Variants in SNX24 observed in about 807,000 individuals in gnomAD.
SNX24 encodes sorting nexin-24.
SNX24 carries 22 observed loss-of-function variants against 28.7 expected under a neutral mutation model. That is an observed-to-expected ratio of 0.77 (90% CI 0.55 to 1.10). SNX24 has a LOEUF of 1.10. Ranked by LOEUF, SNX24 falls within the 50% of genes least tolerant of loss-of-function variation. SNX24 has a pLI of 0.00. For missense variants in SNX24, 221 were observed against 201.1 expected (o/e 1.10, Z -0.60); for synonymous variants, 69 against 71.5 (o/e 0.96, Z 0.18).
At chr5:122,886,415 T>C (rs1756716391) in intron 1 of SNX24, among the ~76,000 whole-genome samples, 1 of 152,216 alleles carries the variant, frequency 6.6e-6, no homozygotes, top group Non-Finnish European at 1.5e-5. Context: ...TCTTTATCTG[T>C]CTTTTCCATG....
chr5:122,923,358 TAAA>T (rs901608169), intron 1 of SNX24, among the ~76,000 whole-genome samples: 1 of 144,540 alleles, frequency 6.9e-6, no homozygotes, highest in Non-Finnish European at 1.5e-5. Flanking sequence ...AAATTAAAAT[TAAA>T]AAAAAAAAGA....
chr5:123,001,534 C>A, intron 5 of SNX24, 97 bp downstream of exon 5: 1 of 909,366 alleles, frequency 1.1e-6, no homozygotes, highest in Non-Finnish European at 1.7e-6. Context: ...TCTTAAGAAC[C>A]TTTGTTTGGA....
At chr5:122,957,717 T>G (rs1435539920) in intron 3 of SNX24, among the ~76,000 whole-genome samples, 1 of 152,192 alleles carries the variant, frequency 6.6e-6, no homozygotes, top group Admixed American at 6.5e-5. Context: ...TGTTTTGTAG[T>G]TTTCATTGTA....
At chr5:123,022,410 ACT>A (rs948974891) in intron 5 of SNX24, 1 of 151,246 alleles carries the variant, frequency 6.6e-6, no homozygotes, top group Non-Finnish European at 1.5e-5. Flanking sequence ...GAGATCAAGC[ACT>A]CTCTATTATA....
intron 3 of SNX24, among the ~76,000 whole-genome samples, chr5:122,991,631 T>C (rs552481441): frequency 1.3e-5 from 2 of 152,242 alleles, no homozygotes; most frequent in South Asian, 4.2e-4. Flanking sequence ...AGCTAATTTT[T>C]TGTATTTTTA....
In SNX24 at chr5:123,015,596, C is replaced by G. The variant is rs181321550; in HGVS notation, n.383+13592C>G. ...AGCATCACCCAAGAACTCTGTACAA[C>G]TTTTCAGGCCCTACCCCAGACTTGC... On this transcript the variant is annotated intron_variant and non_coding_transcript_variant, in intron 5 of 5. Transcript: ENST00000502387. 3.6e-3 allele frequency among the ~76,000 whole-genome samples: 554 copies of G among 152,250 alleles called. 4 individuals carry two copies. Among genetic ancestry groups the G allele is most frequent in the African/African-American group, 0.012 (513 of 41,550 alleles).
At chr5:122,998,761 A>C (rs1762139338) in intron 3 of SNX24, among the ~76,000 whole-genome samples, 1 of 152,210 alleles carries the variant, frequency 6.6e-6, no homozygotes, top group South Asian at 2.1e-4. Flanking sequence ...CAGTATGTGA[A>C]CCATGGCTAA....
At chr5:122,932,841 A>G (rs1330521960) in intron 1 of SNX24, among the ~76,000 whole-genome samples, 1 of 135,818 alleles carries the variant, frequency 7.4e-6, no homozygotes, top group Non-Finnish European at 1.5e-5. Flanking sequence ...CCGGGGCGAC[A>G]GAGCAAGACT....
intron 3 of SNX24, among the ~76,000 whole-genome samples, chr5:122,952,488 G>A (rs758831680): frequency 1.6e-4 from 25 of 152,090 alleles, no homozygotes; most frequent in Non-Finnish European, 2.9e-4. Flanking sequence ...CCACTCATAC[G>A]GTTTGCACTC....
intron 1 of SNX24, among the ~76,000 whole-genome samples, chr5:122,934,936 G>T (rs775998612): frequency 2.0e-5 from 3 of 151,788 alleles, no homozygotes; most frequent in Admixed American, 6.6e-5. Context: ...CTGGTCAGTA[G>T]AAGAGATGAC....
chr5:122,993,326 T>A (rs1761932684), intron 3 of SNX24, among the ~76,000 whole-genome samples: 1 of 138,078 alleles, frequency 7.2e-6, no homozygotes, highest in Admixed American at 7.7e-5. Context: ...TGAGACAGAG[T>A]CTTGCTCTGT....
At chr5:122,946,684 T>G (rs1020949232) in intron 3 of SNX24, among the ~76,000 whole-genome samples, 7 of 152,194 alleles carry the variant, frequency 4.6e-5, no homozygotes, top group African/African-American at 1.4e-4. Flanking sequence ...GGGACACTCT[T>G]TTCTGCAGCT....
chr5:122,859,625 C>T (rs966085848), intron 1 of SNX24, among the ~76,000 whole-genome samples: 7 of 151,850 alleles, frequency 4.6e-5, no homozygotes, highest in East Asian at 1.9e-4. Flanking sequence ...TAATAATTGT[C>T]GATGAAAAGA....
At position 123,008,458 on chromosome 5, in the gene SNX24, C is replaced by T. The variant is rs1762487689; in HGVS notation, c.*709C>T. The T allele has an allele frequency of 5.3e-6, 1 of 189,804 alleles. No individual in the cohort carries two copies. The allele number at this position is 189,804 out of a possible 1,614,324, so 11.8% of individuals were successfully genotyped here. On this transcript the variant is annotated 3_prime_UTR_variant, in exon 7 of 7. Coordinates refer to ENST00000261369, the MANE Select transcript of SNX24 (RefSeq NM_014035.4). ...GTGCCATGTTGGAAACCTGTACATC[C>T]ACAACAAGTAGCTTTTCCTCCTATG...
chr5:123,026,088 G>C (rs1400498391), intron 5 of SNX24: 1 of 834,768 alleles, frequency 1.2e-6, no homozygotes, highest in African/African-American at 1.7e-5. Context: ...GGATGGGGAA[G>C]ACATGTTCAA....
chr5:122,979,400 C>G lies in SNX24; in HGVS notation c.250-20512C>G, dbSNP rs368022219. 1.1e-4 allele frequency among the ~76,000 whole-genome samples: 16 copies of G among 152,262 alleles called. 2 individuals carry two copies. The highest frequency in any genetic ancestry group is 3.9e-4 in the East Asian group (2 of 5,184). On this transcript the variant is annotated intron_variant, in intron 3 of 6. Transcript: ENST00000261369. ...CATAGTTAAGGAGCAGCCTGCAACC[C>G]GGCATGCCCACTGCATTGTGAAAAG...
intron 1 of SNX24, among the ~76,000 whole-genome samples, chr5:122,904,310 G>A (rs781121830): frequency 6.6e-6 from 1 of 152,004 alleles, no homozygotes; most frequent in African/African-American, 2.4e-5. Context: ...AGCCTCCCCA[G>A]TAGCTGGGAT....
chr5:122,849,392 A>G (rs1053629371), intron 1 of SNX24, among the ~76,000 whole-genome samples: 26 of 152,246 alleles, frequency 1.7e-4, no homozygotes, highest in Admixed American at 1.0e-3. Flanking sequence ...GGGTGACCCA[A>G]TGTCAGCTGG....
chr5:122,913,471 G>A (rs1758001354), intron 1 of SNX24, among the ~76,000 whole-genome samples: 1 of 152,002 alleles, frequency 6.6e-6, no homozygotes, highest in African/African-American at 2.4e-5. Context: ...CGGACGGGGT[G>A]GCTGCCTGGC....
Sources: allele counts gnomAD v4.1 joint callset (sites outside exome capture counted in the v4.1 genomes callset), GRCh38; gene constraint gnomAD v4.1.1; transcripts MANE v1.5; gene names NCBI Gene and HGNC (gene_info 2026-07-23, HGNC 2026-07-21).